VMO1: variants seen among roughly 807,000 people sequenced by gnomAD.
The protein encoded by VMO1 is vitelline membrane outer layer protein 1 homolog.
VMO1 carries 13 observed loss-of-function variants against 10.1 expected under a neutral mutation model. The ratio of observed to expected loss-of-function variants is 1.29; its 90% CI spans 0.84 to 2.05. VMO1 has a LOEUF of 2.05. Ranked by LOEUF, VMO1 falls within the 30% of genes most tolerant of loss-of-function variation. The pLI, the probability that VMO1 is intolerant of heterozygous loss-of-function variation, is 0.00. For missense variants in VMO1, 304 were observed against 276.9 expected, an observed-to-expected ratio of 1.10 and a Z score of -0.70; for synonymous variants, 117 against 122.2, an observed-to-expected ratio of 0.96 and a Z score of 0.28.
rs1244210209 is a variant in VMO1 at position 4,785,315 on chromosome 17, T to C, written c.*47A>G. The C allele has an allele frequency of 3.2e-6, 5 of 1,551,588 alleles. No homozygotes were observed. In the South Asian group the frequency reaches 6.0e-5, roughly 19 times the overall value. On this transcript the variant is annotated 3_prime_UTR_variant, in exon 3 of 3. Coordinates refer to ENST00000328739, the MANE Select transcript of VMO1 (RefSeq NM_182566.3). ...TCAGAGAAGCTTTAATAGCAAGAGG[T>C]GGGACTAGCCTCCTGGCCCGGGAGA... is the stretch of plus-strand genomic sequence containing the variant.
Sources: allele counts gnomAD v4.1 joint callset, GRCh38; gene constraint gnomAD v4.1.1; transcripts MANE v1.5; gene names NCBI Gene and HGNC (gene_info 2026-07-23, HGNC 2026-07-21).